DPYSL4: variants seen among roughly 807,000 people sequenced by gnomAD.
The protein encoded by DPYSL4 is dihydropyrimidinase like 4, also known as dihydropyrimidinase-related protein 4.
Under a neutral mutation model 63.4 loss-of-function variants are expected in DPYSL4, and 43 were observed. The ratio of observed to expected loss-of-function variants is 0.68; its 90% CI spans 0.53 to 0.88. The LOEUF (loss-of-function observed/expected upper bound fraction) is 0.88, where lower values mean the gene tolerates loss of function less well. Among genes scored for constraint, DPYSL4 ranks in the 40% least tolerant of loss-of-function variants. The pLI is 0.00. For missense variants in DPYSL4, 733 were observed against 819.5 expected (o/e 0.89, Z 1.29); for synonymous variants, 353 against 331.7 (o/e 1.06, Z -0.70).
At chr10:132,203,578 G>C in intron 12 of DPYSL4, 184 bp from the exon 13 acceptor site, 2 of 594,934 alleles carry the variant, frequency 3.4e-6, no homozygotes, top group South Asian at 4.2e-5. Context: ...AGGGAGGCGT[G>C]TGTGAACTTG....
At chr10:132,204,488 T>C (rs1041545518) in intron 13 of DPYSL4, among the ~76,000 whole-genome samples, 2 of 152,078 alleles carry the variant, frequency 1.3e-5, no homozygotes, top group Non-Finnish European at 2.9e-5. Flanking sequence ...GGCAGGTCCC[T>C]GAGAACCCGG....
At position 132,198,948 on chromosome 10, in the gene DPYSL4, C is replaced by T. The variant is rs1590101007; in HGVS notation, c.788C>T (p.Ala263Val). 1 of 1,612,496 alleles carries T rather than the reference C, an allele frequency of 6.2e-7. No individual in the cohort carries two copies. The highest frequency in any genetic ancestry group is 8.5e-7 in the Non-Finnish European group (1 of 1,179,764). ...TKVMSKGAAD[A>V]IAQAKRRGVV... is the part of the protein sequence containing the mutation. ...GTGATGAGCAAGGGGGCGGCCGACGCCATCGCTCAGGCCAAGCGCAGAGGT... is the reference window on the plus strand; with the variant it reads ...GTGATGAGCAAGGGGGCGGCCGACGTCATCGCTCAGGCCAAGCGCAGAGGT... The change falls in exon 8 of 14, where the codon GCC (alanine) becomes GTC (valine). Residue 263 changes from alanine to valine, a missense_variant. By Grantham distance (64) the Ala-to-Val change is moderately conservative. Transcript: ENST00000338492.
chr10:132,194,155 G>C (rs765720777), intron 3 of DPYSL4, among the ~76,000 whole-genome samples: 6 of 152,244 alleles, frequency 3.9e-5, no homozygotes, highest in Non-Finnish European at 8.8e-5. Context: ...GCTGCAGGGA[G>C]GCTGGGTGCC....
chr10:132,194,923 C>T lies in DPYSL4; in HGVS notation c.392C>T (p.Ala131Val). 6.2e-7 allele frequency: 1 copy of T among 1,612,460 alleles called. No individual in the cohort carries two copies. Among genetic ancestry groups the T allele is most frequent in the East Asian group, 2.2e-5 (1 of 44,862 alleles). ...TGGCGGGAGCGGGCGGACAGCGCGG[C>T]CTGCTGCGACTACTCCCTGCACGTG... ...EQWRERADSA[A>V]CCDYSLHVDI... Residue 131 changes from alanine to valine, a missense_variant, in exon 4 of 14, where the codon GCC (alanine) becomes GTC (valine). Coordinates refer to ENST00000338492, the MANE Select transcript of DPYSL4 (RefSeq NM_006426.3).
At chr10:132,188,149 G>T (rs2061829819) in intron 1 of DPYSL4, among the ~76,000 whole-genome samples, 1 of 152,160 alleles carries the variant, frequency 6.6e-6, no homozygotes, top group African/African-American at 2.4e-5. Context: ...TGGGGGTCGA[G>T]TTTGGGGGTG....
At chr10:132,188,625 ACTT>A (rs1454638799) in intron 1 of DPYSL4, among the ~76,000 whole-genome samples, 1 of 152,136 alleles carries the variant, frequency 6.6e-6, no homozygotes. Flanking sequence ...AGGGTCTAAA[ACTT>A]CTTCCACAAC....
At chr10:132,195,232 C>T (rs1343590347) in intron 4 of DPYSL4, among the ~76,000 whole-genome samples, 1 of 152,176 alleles carries the variant, frequency 6.6e-6, no homozygotes, top group East Asian at 1.9e-4. Flanking sequence ...TGGAATTGTC[C>T]TCCTGATGAA....
intron 6 of DPYSL4, 28 bp downstream of exon 6, chr10:132,197,129 CAGGCACAGGGGCTGCCG>C: frequency 6.8e-7 from 1 of 1,470,268 alleles, no homozygotes; most frequent in Non-Finnish European, 9.1e-7. Flanking sequence ...TGCCGTGGGG[CAGGCACAGGGGCTGCCG>C]TGGGGCAGGG....
At chr10:132,202,295 ACCT>A (rs2062029006) in intron 11 of DPYSL4, among the ~76,000 whole-genome samples, 179 bp downstream of exon 11, 1 of 152,168 alleles carries the variant, frequency 6.6e-6, no homozygotes. Context: ...TGTCCACGTC[ACCT>A]CGCTGCGTGG....
intron 9 of DPYSL4, 92 bp downstream of exon 9, chr10:132,200,604 T>TTCATGGCATACAAGCCATGAAG: frequency 6.6e-7 from 1 of 1,523,426 alleles, no homozygotes; most frequent in Non-Finnish European, 8.9e-7. Flanking sequence ...CTCCCACGGC[T>TTCATGGCATACAAGCCATGAAG]CCCATAGGGC....
At position 132,194,886 on chromosome 10, in the gene DPYSL4, G is replaced by A; in HGVS notation, c.355G>A (p.Ala119Thr). ...CGACACGGGTGTGAGCCTGCTGGCG[G>A]CCTACGAGCAGTGGCGGGAGCGGGC... ...FPDTGVSLLA[A>T]YEQWRERADS... Residue 119 changes from alanine to threonine, a missense_variant, in exon 4 of 14, where the codon GCC becomes ACC. Physicochemically the swap from Ala to Thr is moderately conservative, Grantham distance 58. Coordinates refer to ENST00000338492, the MANE Select transcript of DPYSL4 (RefSeq NM_006426.3). 1 of 1,612,842 alleles carries A rather than the reference G, an allele frequency of 6.2e-7. No individual in the cohort carries two copies. Among genetic ancestry groups the A allele is most frequent in the Non-Finnish European group, 8.5e-7 (1 of 1,179,938 alleles).
intron 12 of DPYSL4, 165 bp from the exon 13 acceptor site, chr10:132,203,597 A>T: frequency 1.6e-6 from 1 of 625,766 alleles, no homozygotes; most frequent in Non-Finnish European, 2.7e-6. Flanking sequence ...TGGGTTGAGC[A>T]CCCCCCCAGG....
rs371363833 is a variant in DPYSL4 at position 132,202,840 on chromosome 10, G to A, written c.1461+15G>A. On this transcript the variant is annotated intron_variant, in intron 12 of 13. Transcript: ENST00000338492. ...CTCGCAACAGGGTAGGGCGGCACCC[G>A]CAAGGGTGTTGTGCAGGTAGGCAGG... is the stretch of plus-strand genomic sequence containing the variant. The A allele has an allele frequency of 1.8e-5, 28 of 1,572,572 alleles. No individual in the cohort carries two copies. The highest frequency in any genetic ancestry group is 2.7e-5 in the African/African-American group (2 of 74,294).
chr10:132,191,411 T>C (rs2061874993), intron 2 of DPYSL4, among the ~76,000 whole-genome samples: 1 of 125,246 alleles, frequency 8.0e-6, no homozygotes, highest in African/African-American at 3.0e-5. Flanking sequence ...GTGCAAATAG[T>C]TCCCAGCTCG....
chr10:132,195,779 CCTCA>C (rs2061935104), intron 4 of DPYSL4, among the ~76,000 whole-genome samples: 2 of 152,356 alleles, frequency 1.3e-5, no homozygotes, highest in South Asian at 2.1e-4. Flanking sequence ...AGTCCCTGGG[CCTCA>C]CTCCAGGCAG....
At position 132,192,531 on chromosome 10, in the gene DPYSL4, G is replaced by A. The variant is rs538977627; in HGVS notation, c.129-127G>A. The A allele has an allele frequency of 3.8e-3, 5,427 of 1,427,712 alleles. 17 individuals carry two copies. Among genetic ancestry groups the A allele is most frequent in the Non-Finnish European group, 4.2e-3 (4,592 of 1,093,672 alleles). 88.4% of individuals were successfully genotyped at this position (1,427,712 alleles called of 1,614,324 possible). ...CGAGGAGCTAGTCCAGTGAGTGGCC[G>A]GCCGTGCTGGCCTTTTCCTCGGGGT... is the stretch of plus-strand genomic sequence containing the variant. On this transcript the variant is annotated intron_variant, in intron 2 of 13. Coordinates refer to ENST00000338492, the MANE Select transcript of DPYSL4 (RefSeq NM_006426.3).
chr10:132,198,569 C>T, intron 7 of DPYSL4, 86 bp downstream of exon 7: 2 of 1,373,376 alleles, frequency 1.5e-6, no homozygotes, highest in Non-Finnish European at 2.0e-6. Context: ...TGGCCCTGGG[C>T]TCCTGGCCCT....
chr10:132,194,463 C>T (rs535196784), intron 3 of DPYSL4, among the ~76,000 whole-genome samples: 6 of 152,330 alleles, frequency 3.9e-5, no homozygotes, highest in South Asian at 2.1e-4. Context: ...CCTTGGACAG[C>T]GCACTGGCCC....
chr10:132,202,893 C>T, intron 12 of DPYSL4, 68 bp downstream of exon 12: 1 of 1,502,510 alleles, frequency 6.7e-7, no homozygotes, highest in East Asian at 2.3e-5. Flanking sequence ...GCCCAGAACG[C>T]ACCCCTGGTC....
Sources: gnomAD v4.1 joint callset for allele counts (sites outside exome capture counted in the v4.1 genomes callset) on GRCh38, gnomAD v4.1.1 for gene constraint, MANE v1.5 for transcripts, NCBI Gene and HGNC (gene_info 2026-07-23, HGNC 2026-07-21) for gene names.